The following RALGDS variants were observed in gnomAD, a reference collection of about 807,000 sequenced individuals.
RALGDS encodes ral guanine nucleotide exchange factor.
Under a neutral mutation model 99.8 loss-of-function variants are expected in RALGDS, and 44 were observed. The ratio of observed to expected loss-of-function variants is 0.44; its 90% confidence interval spans 0.35 to 0.57. The LOEUF (loss-of-function observed/expected upper bound fraction) is 0.57. Ranked by LOEUF, RALGDS falls within the 20% of genes least tolerant of loss-of-function variation. The pLI, the probability that RALGDS is intolerant of heterozygous loss-of-function variation, is 0.01. For synonymous variants in RALGDS, 529 were observed against 505.0 expected, an observed-to-expected ratio of 1.05 and a Z score of -0.64; for missense variants, 1,022 against 1,203.1, an observed-to-expected ratio of 0.85 and a Z score of 2.23.
At chr9:133,105,708 T>G (rs1397644037) in intron 9 of RALGDS, among the ~76,000 whole-genome samples, 2 of 152,140 alleles carry the variant, frequency 1.3e-5, no homozygotes, top group Non-Finnish European at 2.9e-5. Flanking sequence ...CTGTGTCCAA[T>G]TAACTGGGGC....
At chr9:133,146,182 TGTTTGTTTGTTC>T (rs1832619720) in intron 1 of RALGDS, among the ~76,000 whole-genome samples, 2 of 144,002 alleles carry the variant, frequency 1.4e-5, no homozygotes, top group Admixed American at 6.9e-5. Flanking sequence ...GATGTTTGTT[TGTTTGTTTGTTC>T]GTTTGTTTAT....
chr9:133,126,815 G>C (rs915835315), intron 1 of RALGDS, among the ~76,000 whole-genome samples: 2 of 152,230 alleles, frequency 1.3e-5, no homozygotes, highest in African/African-American at 4.8e-5. Context: ...CGGAGGCGAG[G>C]AGCGATTCCT....
chr9:133,102,891 C>T lies in RALGDS; in HGVS notation c.1801G>A (p.Val601Met), dbSNP rs773820453. 1.9e-6 allele frequency: 3 copies of T among 1,613,338 alleles called. No homozygotes were observed. Among genetic ancestry groups the T allele is most frequent in the African/African-American group, 2.7e-5 (2 of 75,062 alleles). ...TGCAGCAGCTTGATCTGGGCGATCA[C>T]CTCGAACTCCTGGGGCCAGAGGGAA... ...NFEKRRKEFE[V>M]IAQIKLLQSA... The change falls in exon 13 of 18, where the codon GTG becomes ATG. Residue 601 changes from valine to methionine, a missense_variant. Physicochemically the swap from Val to Met is conservative, Grantham distance 21 (BLOSUM62 1). This residue lies in a region of RALGDS where 825 missense variants were observed against 994.5 expected (regional missense o/e 0.83). Coordinates refer to ENST00000372050, the MANE Select transcript of RALGDS (RefSeq NM_006266.4).
At chr9:133,119,887 A>G (rs950750964) in intron 1 of RALGDS, among the ~76,000 whole-genome samples, 1 of 152,184 alleles carries the variant, frequency 6.6e-6, no homozygotes, top group African/African-American at 2.4e-5. Context: ...CCGGGACACC[A>G]AGAGGCACGA....
chr9:133,135,097 G>A (rs545876440), upstream of RALGDS, among the ~76,000 whole-genome samples: 35 of 152,184 alleles, frequency 2.3e-4, no homozygotes, highest in Non-Finnish European at 4.0e-4. Context: ...GGGCCCCTGT[G>A]TGTGGTGGGG....
chr9:133,105,896 C>T lies in RALGDS; in HGVS notation c.1602+36G>A, dbSNP rs56902264. 2.9e-4 allele frequency: 19 copies of T among 64,612 alleles called. 1 individual carries two copies. Among genetic ancestry groups the T allele is most frequent in the South Asian group, 1.9e-3 (15 of 7,828 alleles). The allele number at this position is 64,612 out of a possible 1,614,324, so 4.0% of individuals were successfully genotyped here. A position where few individuals can be genotyped will look rare whatever the true frequency, so the allele number is the denominator to read the frequency against. ...CCGCCCCAGCCCCCGCCCCAGCCCC[C>T]GCCCCAGCCCCCGCCCCAGCCTGCC... On this transcript the variant is annotated intron_variant, in intron 9 of 17. Transcript: ENST00000372050.
Position 133,110,350 on chromosome 9 carries a change from C to T in RALGDS, c.434G>A (p.Cys145Tyr). 1 of 1,613,902 alleles carries T rather than the reference C, an allele frequency of 6.2e-7. No individual in the cohort carries two copies. Among genetic ancestry groups the T allele is most frequent in the South Asian group, 1.1e-5 (1 of 91,090 alleles). ...GGTGGTGGTGAAGGCTCTATAGGTA[C>T]ACAGGAAGATGGTGACGTAGGAGAG... The part of the protein sequence containing the change: ...SDLSYVTIFL[C>Y]TYRAFTTTQQ... Residue 145 changes from cysteine (C) to tyrosine (Y), a missense_variant, in exon 3 of 18, where the codon TGT (cysteine) becomes TAT (tyrosine). Around this residue, in one of 3 missense-constraint regions of RALGDS, gnomAD observed 17 missense variants for 39.3 expected, o/e 0.43. Coordinates refer to ENST00000372050, the MANE Select transcript of RALGDS (RefSeq NM_006266.4).
At chr9:133,116,337 C>G (rs1407094772) in intron 1 of RALGDS, among the ~76,000 whole-genome samples, 1 of 152,268 alleles carries the variant, frequency 6.6e-6, no homozygotes, top group Non-Finnish European at 1.5e-5. Flanking sequence ...GCCTGCCCAC[C>G]AGGATGCTCC....
At chr9:133,130,841 C>T (rs1832313507) in intron 1 of RALGDS, 3 of 1,063,526 alleles carry the variant, frequency 2.8e-6, no homozygotes, top group Admixed American at 2.4e-5. Flanking sequence ...GCAAAGCTTG[C>T]AGACGCTCCT....
chr9:133,112,705 AG>A (rs1831408188), intron 1 of RALGDS, among the ~76,000 whole-genome samples: 1 of 152,184 alleles, frequency 6.6e-6, no homozygotes, highest in Non-Finnish European at 1.5e-5. Context: ...CTGACCTAGC[AG>A]GAACGCACAG....
intron 10 of RALGDS, 30 bp downstream of exon 10, chr9:133,104,233 C>T: frequency 6.3e-7 from 1 of 1,596,678 alleles, no homozygotes; most frequent in Non-Finnish European, 8.6e-7. Flanking sequence ...GGCCAGCCCC[C>T]TGCCCCTCCG....
chr9:133,133,192 G>A (rs1315747268), upstream of RALGDS, among the ~76,000 whole-genome samples: 1 of 152,222 alleles, frequency 6.6e-6, no homozygotes, highest in Admixed American at 6.5e-5. Context: ...GGTCAGCCTG[G>A]CCTCAGGGCC....
intron 17 of RALGDS, 41 bp downstream of exon 17, chr9:133,100,227 A>G (rs1215149381): frequency 6.4e-7 from 1 of 1,566,270 alleles, no homozygotes; most frequent in South Asian, 1.1e-5. Context: ...AGTGGTGTGG[A>G]CCTGCCCCCT....
intron 1 of RALGDS, among the ~76,000 whole-genome samples, 155 bp from the exon 2 acceptor site, chr9:133,112,307 G>A (rs1033032724): frequency 3.3e-5 from 5 of 151,964 alleles, no homozygotes; most frequent in African/African-American, 7.3e-5. Context: ...ATCACAGCTC[G>A]AGAGCCACTG....
chr9:133,129,226 G>C, intron 1 of RALGDS: 1 of 1,597,206 alleles, frequency 6.3e-7, no homozygotes, highest in Non-Finnish European at 8.5e-7. Context: ...TTCTCCTGGC[G>C]GTCACCACAG....
In RALGDS at chr9:133,103,785, G is replaced by A. The variant is rs1471532175; in HGVS notation, c.1720C>T (p.Leu574=). The change falls in exon 11 of 18, where the codon CTG becomes TTG. Residue 574 remains leucine (L), a synonymous_variant. Transcript: ENST00000372050. The stretch of plus-strand genomic sequence containing the variant: ...TTCATGGCAGTGTCCAGCATCACCA[G>A]GTCGGTGAGGAACGTGCCCAGGTAG... ...VPYLGTFLTD[L]VMLDTAMKDY... 6.2e-7 allele frequency: 1 copy of A among 1,613,370 alleles called. No homozygotes were observed. Among genetic ancestry groups the A allele is most frequent in the South Asian group, 1.1e-5 (1 of 91,080 alleles).
chr9:133,143,738 CAATAATAATAATAATAATAAT>C (rs747330308), intron 1 of RALGDS, among the ~76,000 whole-genome samples: 24 of 108,100 alleles, frequency 2.2e-4, no homozygotes, highest in African/African-American at 8.2e-4. Context: ...GACCCTGTCT[CAATAATAATAATAATAATAAT>C]AATAATAATA....
chr9:133,140,457 G>C lies in RALGDS; in HGVS notation c.18+8506C>G, dbSNP rs373849366. Among the ~76,000 whole-genome samples the C allele has an allele frequency of 3.6e-4, 55 of 152,190 alleles. No individual in the cohort carries two copies. In the South Asian group the frequency reaches 0.011, roughly 30 times the overall value. On this transcript the variant is annotated intron_variant, in intron 1 of 17. Transcript: ENST00000393160. ...CCCTCGGAACACAAAGGTCAGATGG[G>C]CACACCTGACCTCTCGGGTGGTGTC...
At chr9:133,101,340 C>T (rs951376898) in intron 16 of RALGDS, 180 bp downstream of exon 16, 2 of 1,480,084 alleles carry the variant, frequency 1.4e-6, no homozygotes, top group East Asian at 2.3e-5. Context: ...TTTCCTCCCC[C>T]TCTGCCCTCA....
Sources: gnomAD v4.1 joint callset for allele counts (sites outside exome capture counted in the v4.1 genomes callset) on GRCh38, gnomAD v4.1.1 for gene constraint, gnomAD v4.1.1 regional missense constraint, MANE v1.5 for transcripts, NCBI Gene and HGNC (gene_info 2026-07-23, HGNC 2026-07-21) for gene names.